Variants in HNF4A observed in about 807,000 individuals in gnomAD.
The protein encoded by HNF4A is hepatocyte nuclear factor 4 alpha, also known as hepatocyte nuclear factor 4-alpha.
HNF4A carries 15 observed loss-of-function variants against 52.4 expected under a neutral mutation model. That is an observed-to-expected ratio of 0.29 (90% CI 0.19 to 0.44). HNF4A has a LOEUF of 0.44. Among genes scored for constraint, HNF4A ranks in the 20% least tolerant of loss-of-function variants. The probability of loss-of-function intolerance (pLI) is 1.00; values close to 1 mark genes in which losing one functional copy is unlikely to be tolerated. For synonymous variants in HNF4A, 280 were observed against 264.4 expected, an observed-to-expected ratio of 1.06 and a Z score of -0.57; for missense variants, 479 against 647.2, an observed-to-expected ratio of 0.74 and a Z score of 2.82.
intron 1 of HNF4A, among the ~76,000 whole-genome samples, chr20:44,404,893 A>G (rs111064901): frequency 1 from 86,800 of 87,078 alleles, 43,268 homozygotes; most frequent in South Asian, 1. Flanking sequence ...GGTGTGTGTG[A>G]ACTGTGGTGT....
At chr20:44,409,492 G>A (rs2146388198) in intron 3 of HNF4A, among the ~76,000 whole-genome samples, 1 of 152,320 alleles carries the variant, frequency 6.6e-6, no homozygotes, top group Admixed American at 6.5e-5. Flanking sequence ...AGGGCACTGT[G>A]TTTGAGAGAA....
intron 3 of HNF4A, among the ~76,000 whole-genome samples, chr20:44,412,462 T>C (rs572548316): frequency 6.6e-6 from 1 of 152,206 alleles, no homozygotes; most frequent in African/African-American, 2.4e-5. Flanking sequence ...AGCGTGCGGA[T>C]GCGTCCAGGT....
chr20:44,423,336 A>T (rs1252606081), intron 7 of HNF4A, among the ~76,000 whole-genome samples: 1 of 152,134 alleles, frequency 6.6e-6, no homozygotes, highest in Non-Finnish European at 1.5e-5. Context: ...AAAATAAAAT[A>T]AAAATGGCAA....
At chr20:44,403,745 G>C (rs3181209) in intron 1 of HNF4A, among the ~76,000 whole-genome samples, 17,094 of 152,160 alleles carry the variant, frequency 0.11, 1,164 homozygotes, top group East Asian at 0.15. Context: ...TCTGCTTCAC[G>C]GGAAGCAGTG....
intron 1 of HNF4A, among the ~76,000 whole-genome samples, chr20:44,369,249 CAAAAAAAAAAA>C (rs751374772): frequency 2.8e-4 from 7 of 24,824 alleles, no homozygotes; most frequent in Admixed American, 7.7e-4. Context: ...AACTCCATCT[CAAAAAAAAAAA>C]AAAAAAAAAA....
intron 1 of HNF4A, among the ~76,000 whole-genome samples, chr20:44,362,853 T>C (rs1052684232): frequency 6.6e-6 from 1 of 151,630 alleles, no homozygotes; most frequent in Non-Finnish European, 1.5e-5. Context: ...CTTTTTTTTT[T>C]TTTTTTGAGA....
intron 1 of HNF4A, among the ~76,000 whole-genome samples, chr20:44,392,901 C>T (rs1014534987): frequency 1.3e-5 from 2 of 152,224 alleles, no homozygotes; most frequent in African/African-American, 4.8e-5. Context: ...GCAAGTGGAA[C>T]AAGGGCTGGG....
chr20:44,419,817 A>G lies in HNF4A; in HGVS notation c.833A>G (p.Glu278Gly), dbSNP rs756539709. 1 of 1,613,944 alleles carries G rather than the reference A, an allele frequency of 6.2e-7. No individual in the cohort carries two copies. The highest frequency in any genetic ancestry group is 8.5e-7 in the Non-Finnish European group (1 of 1,179,990). The change falls in exon 7 of 10, where the codon GAG becomes GGG. Residue 278 changes from glutamate (E) to glycine (G), a missense_variant. Around this residue, in one of 3 missense-constraint regions of HNF4A, gnomAD observed 389 missense variants for 525.1 expected, o/e 0.74. Coordinates refer to ENST00000316099, the MANE Select transcript of HNF4A (RefSeq NM_000457.6). ...GACGAGCTGGTGCTGCCCTTCCAGG[A>G]GCTGCAGATCGATGACAATGAGTAT...
chr20:44,406,094 C>T lies in HNF4A; in HGVS notation c.152C>T (p.Pro51Leu). 6.2e-7 allele frequency: 1 copy of T among 1,613,228 alleles called. No homozygotes were observed. Among genetic ancestry groups the T allele is most frequent in the Non-Finnish European group, 8.5e-7 (1 of 1,180,034 alleles). Residue 51 changes from proline (P) to leucine (L), a missense_variant, in exon 2 of 10, where the codon CCC (proline) becomes CTC (leucine). This residue lies in a region of HNF4A where 90 missense variants were observed against 105.5 expected (regional missense o/e 0.85). Coordinates refer to ENST00000316099, the MANE Select transcript of HNF4A (RefSeq NM_000457.6). ...TCAGAAGGCACCAACCTCAACGCGC[C>T]CAACAGCCTGGGTGTCAGCGCCCTG...
chr20:44,381,040 C>T lies in HNF4A; in HGVS notation c.50-25018C>T, dbSNP rs528447355. On this transcript the variant is annotated intron_variant, in intron 1 of 9. Transcript: ENST00000316673. ...AATTAAGACTTTTGCACCTGGTAGA[C>T]GCTCTTTGACCTCTAACCCACTGGA... Among the ~76,000 whole-genome samples, 6 of 68,510 alleles carry T rather than the reference C, an allele frequency of 8.8e-5. No homozygotes were observed. In the Admixed American group the frequency reaches 9.7e-4, roughly 11 times the overall value. The allele number at this position is 68,510 out of a possible 152,430, so 44.9% of individuals were successfully genotyped here.
rs1600755333 is a variant in HNF4A at position 44,430,257 on chromosome 20, ATGT to A, written c.*596_*598del. ...CGATTCCCCCAGTCATTCTGGGAAC[ATGT>A]TGTAAGCACTGACTGGGACCAGGCA... is the stretch of plus-strand genomic sequence containing the variant. On this transcript the variant is annotated 3_prime_UTR_variant, in exon 10 of 10. Coordinates refer to ENST00000316099, the MANE Select transcript of HNF4A (RefSeq NM_000457.6). The A allele has an allele frequency of 6.5e-6, 1 of 154,086 alleles. No homozygotes were observed. Among genetic ancestry groups the A allele is most frequent in the Admixed American group, 6.5e-5 (1 of 15,416 alleles). 9.5% of individuals were successfully genotyped at this position (154,086 alleles called of 1,614,324 possible).
At chr20:44,361,669 C>T (rs1337750017) in intron 1 of HNF4A, among the ~76,000 whole-genome samples, 1 of 151,882 alleles carries the variant, frequency 6.6e-6, no homozygotes, top group African/African-American at 2.4e-5. Flanking sequence ...AGGAGTCAGA[C>T]TATGTCTCAA....
chr20:44,421,118 G>A (rs993052313), intron 7 of HNF4A, among the ~76,000 whole-genome samples: 13 of 151,702 alleles, frequency 8.6e-5, no homozygotes, highest in African/African-American at 3.2e-4. Flanking sequence ...CTATTTTTGA[G>A]TCTCTGTTGC....
chr20:44,428,423 C>T lies in HNF4A; in HGVS notation c.1218C>T (p.Asn406=), dbSNP rs1371305710. 3 of 1,614,192 alleles carry T rather than the reference C, an allele frequency of 1.9e-6. No individual in the cohort carries two copies. Among genetic ancestry groups the T allele is most frequent in the Non-Finnish European group, 2.5e-6 (3 of 1,180,012 alleles). ...TGGGAACCAACGTCATCGTTGCCAA[C>T]ACAATGCCCACTCACCTCAGCAACG... is the stretch of plus-strand genomic sequence containing the variant. The change falls in exon 9 of 10, where the codon AAC becomes AAT. Residue 406 remains asparagine, a synonymous_variant. Coordinates refer to ENST00000316099, the MANE Select transcript of HNF4A (RefSeq NM_000457.6).
chr20:44,398,242 G>A (rs1281589967), upstream of HNF4A, among the ~76,000 whole-genome samples: 1 of 152,206 alleles, frequency 6.6e-6, no homozygotes. Context: ...AAAGCAAAAA[G>A]ATGGATGTAC....
intron 1 of HNF4A, among the ~76,000 whole-genome samples, chr20:44,371,130 G>C (rs745561717): frequency 1.6e-4 from 24 of 152,218 alleles, no homozygotes; most frequent in Admixed American, 3.3e-4. Flanking sequence ...GCTGCCTGCA[G>C]GGCTCAGCGC....
chr20:44,378,263 A>G (rs989536939), intron 1 of HNF4A, among the ~76,000 whole-genome samples: 1 of 146,148 alleles, frequency 6.8e-6, no homozygotes, highest in African/African-American at 2.5e-5. Context: ...AACATCTTTT[A>G]TGCATGTATT....
intron 1 of HNF4A, chr20:44,392,108 G>A (rs554697425): frequency 2.0e-5 from 3 of 152,144 alleles, no homozygotes; most frequent in Non-Finnish European, 4.4e-5. Flanking sequence ...CCGAATCCTT[G>A]ACCTAGAAAG....
At position 44,414,526 on chromosome 20, in the gene HNF4A, G is replaced by A. The variant is rs2063634125; in HGVS notation, c.512G>A (p.Gly171Glu). Residue 171 changes from glycine to glutamate, a missense_variant, in exon 5 of 10, where the codon GGG (glycine) becomes GAG (glutamate). Gly to Glu is a moderately conservative substitution (Grantham distance 98). Around this residue, in one of 3 missense-constraint regions of HNF4A, gnomAD observed 389 missense variants for 525.1 expected, o/e 0.74. Transcript: ENST00000316099. ...TCGAAGATCACCTCCCCCGTCTCCG[G>A]GATCAACGGCGACATTCGGGCGAAG... The A allele has an allele frequency of 6.2e-7, 1 of 1,614,122 alleles. No homozygotes were observed. Among genetic ancestry groups the A allele is most frequent in the African/African-American group, 1.3e-5 (1 of 74,932 alleles).
Sources: allele counts gnomAD v4.1 joint callset (sites outside exome capture counted in the v4.1 genomes callset), GRCh38; gene constraint gnomAD v4.1.1; regional missense constraint gnomAD v4.1.1; transcripts MANE v1.5; gene names NCBI Gene and HGNC (gene_info 2026-07-23, HGNC 2026-07-21).